Variants in SLC24A4 observed in about 807,000 individuals in gnomAD.
SLC24A4 encodes sodium/potassium/calcium exchanger 4.
A neutral mutation model predicts 79.0 loss-of-function variants in SLC24A4; 53 were observed. The ratio of observed to expected loss-of-function variants is 0.67; its 90% CI spans 0.54 to 0.84. The LOEUF is 0.84. Among genes scored for constraint, SLC24A4 ranks in the 40% least tolerant of loss-of-function variants. SLC24A4 has a pLI of 0.00. For synonymous variants in SLC24A4, 323 were observed against 323.8 expected (o/e 1.00, Z 0.03); for missense variants, 731 against 822.0 (o/e 0.89, Z 1.35).
At chr14:92,442,466 A>G (rs149753063) in intron 5 of SLC24A4, among the ~76,000 whole-genome samples, 1,528 of 152,332 alleles carry the variant, frequency 0.01, 23 homozygotes, top group African/African-American at 0.034. Flanking sequence ...TTAAATGGGT[A>G]AATTTTATAG....
chr14:92,369,557 C>T (rs575533240), intron 2 of SLC24A4, among the ~76,000 whole-genome samples: 4 of 152,126 alleles, frequency 2.6e-5, no homozygotes, highest in African/African-American at 4.8e-5. Flanking sequence ...GTTTGTAAAA[C>T]GTATTTTTGG....
chr14:92,427,876 G>A (rs1484030721), intron 2 of SLC24A4, among the ~76,000 whole-genome samples: 1 of 152,178 alleles, frequency 6.6e-6, no homozygotes, highest in Non-Finnish European at 1.5e-5. Flanking sequence ...TAGAGGTGGA[G>A]TCTTCATGGT....
rs1566810781 is a variant in SLC24A4 at position 92,493,619 on chromosome 14, A to G, written c.1860A>G (p.Glu620=). 6.2e-7 allele frequency: 1 copy of G among 1,614,176 alleles called. No individual in the cohort carries two copies. Among genetic ancestry groups the G allele is most frequent in the Non-Finnish European group, 8.5e-7 (1 of 1,180,016 alleles). The change falls in exon 17 of 17, where the codon GAA becomes GAG. Residue 620 remains glutamate, a synonymous_variant. Coordinates refer to ENST00000532405, the MANE Select transcript of SLC24A4 (RefSeq NM_153646.4). ...TCGTCAACTTGCCGATGTGCCGGGA[A>G]GACGATTAGCGCTGAGTCGCGGCCC... ...FTFVNLPMCR[E]DD
chr14:92,418,603 T>A (rs916977684), intron 2 of SLC24A4, among the ~76,000 whole-genome samples: 3 of 152,200 alleles, frequency 2.0e-5, no homozygotes, highest in African/African-American at 7.2e-5. Context: ...GATTCGAAAC[T>A]CCCAGGCAAG....
intron 2 of SLC24A4, among the ~76,000 whole-genome samples, chr14:92,407,864 TGTGTGTGTGTG>T (rs1445365079): frequency 3.6e-5 from 1 of 27,678 alleles, no homozygotes; most frequent in Non-Finnish European, 1.1e-4. Context: ...ATATTGTGTG[TGTGTGTGTGTG>T]TGTGTGTGTG....
chr14:92,343,670 T>C (rs184796615), intron 2 of SLC24A4, among the ~76,000 whole-genome samples: 68 of 132,684 alleles, frequency 5.1e-4, no homozygotes, highest in African/African-American at 1.0e-3. Context: ...CCTTCCTTCC[T>C]TCCTTCCTTC....
At chr14:92,423,824 T>C (rs1010444724) in intron 2 of SLC24A4, among the ~76,000 whole-genome samples, 3 of 152,202 alleles carry the variant, frequency 2.0e-5, no homozygotes, top group Admixed American at 6.5e-5. Context: ...CAGGGCATTG[T>C]GTGCATTGGT....
At chr14:92,425,746 G>A (rs1891528747) in intron 2 of SLC24A4, among the ~76,000 whole-genome samples, 1 of 152,194 alleles carries the variant, frequency 6.6e-6, no homozygotes, top group African/African-American at 2.4e-5. Flanking sequence ...TTGGGAGGCT[G>A]AGTCAGGCAG....
intron 2 of SLC24A4, among the ~76,000 whole-genome samples, chr14:92,416,108 G>A (rs905155090): frequency 7.0e-6 from 1 of 143,732 alleles, no homozygotes; most frequent in East Asian, 2.2e-4. Flanking sequence ...GAAAGTGTGT[G>A]TATTTGTGTG....
At chr14:92,347,733 C>A (rs1288062337) in intron 2 of SLC24A4, among the ~76,000 whole-genome samples, 4 of 152,116 alleles carry the variant, frequency 2.6e-5, no homozygotes, top group Non-Finnish European at 5.9e-5. Context: ...TCAAGCCCAG[C>A]CTGGCCAAGA....
intron 2 of SLC24A4, among the ~76,000 whole-genome samples, chr14:92,337,263 G>A (rs780780026): frequency 6.6e-6 from 1 of 152,146 alleles, no homozygotes; most frequent in Non-Finnish European, 1.5e-5. Context: ...GGCAGATTGC[G>A]ATGATAAGAA....
At position 92,453,891 on chromosome 14, in the gene SLC24A4, G is replaced by A. The variant is rs761057197; in HGVS notation, c.881-9G>A. The A allele has an allele frequency of 5.0e-6, 8 of 1,605,968 alleles. No homozygotes were observed. Among genetic ancestry groups the A allele is most frequent in the South Asian group, 1.1e-5 (1 of 89,670 alleles). Reference sequence around the variant, plus strand: ...AGATCAGCACTAATCACGGTGTTGCGCTCAACAGTGAAGGAGAAGCCACAG... The same window carrying A: ...AGATCAGCACTAATCACGGTGTTGCACTCAACAGTGAAGGAGAAGCCACAG... On this transcript the variant is annotated splice_polypyrimidine_tract_variant and intron_variant, in intron 10 of 16. Coordinates refer to ENST00000532405, the MANE Select transcript of SLC24A4 (RefSeq NM_153646.4).
In SLC24A4 at chr14:92,348,887, G is replaced by A. The variant is rs114068629; in HGVS notation, c.241+22909G>A. The stretch of plus-strand genomic sequence containing the variant: ...TGTTGGAGCATTGATTACTCAGAAT[G>A]TTAACAGGAGAGAAAGCCTAAACTC... On this transcript the variant is annotated intron_variant, in intron 2 of 16. Coordinates refer to ENST00000532405, the MANE Select transcript of SLC24A4 (RefSeq NM_153646.4). Among the ~76,000 whole-genome samples the A allele has an allele frequency of 7.3e-3, 1,119 of 152,268 alleles. 11 individuals are homozygous for A. Among genetic ancestry groups the A allele is most frequent in the African/African-American group, 0.025 (1,051 of 41,536 alleles).
chr14:92,389,212 C>T (rs1391883761), intron 2 of SLC24A4, among the ~76,000 whole-genome samples: 2 of 152,160 alleles, frequency 1.3e-5, no homozygotes, highest in Non-Finnish European at 1.5e-5. Flanking sequence ...TAAAAGCCTT[C>T]CTCTCCACCC....
chr14:92,474,478 TTTG>T (rs201635435), intron 12 of SLC24A4, among the ~76,000 whole-genome samples: 1,835 of 151,824 alleles, frequency 0.012, 15 homozygotes, highest in Non-Finnish European at 0.018. Context: ...CCACATTTGT[TTTG>T]TTGTTGTTGT....
At chr14:92,380,186 G>A (rs1189999093) in intron 2 of SLC24A4, among the ~76,000 whole-genome samples, 2 of 152,194 alleles carry the variant, frequency 1.3e-5, no homozygotes, top group African/African-American at 2.4e-5. Flanking sequence ...GGCAGTGACC[G>A]AGAGCAGATC....
At chr14:92,394,015 G>GA (rs529242878) in intron 2 of SLC24A4, among the ~76,000 whole-genome samples, 65 of 149,762 alleles carry the variant, frequency 4.3e-4, no homozygotes, top group African/African-American at 1.4e-3. Flanking sequence ...GGTCCCAGAA[G>GA]AAAAAAAAAT....
intron 13 of SLC24A4, among the ~76,000 whole-genome samples, chr14:92,485,377 A>C (rs1381732489): frequency 2.6e-5 from 4 of 151,884 alleles, no homozygotes; most frequent in African/African-American, 9.7e-5. Flanking sequence ...AAGTGGGAGG[A>C]TTGCTTAAAC....
chr14:92,430,226 G>A (rs780353352), intron 2 of SLC24A4, among the ~76,000 whole-genome samples: 10 of 152,162 alleles, frequency 6.6e-5, no homozygotes, highest in Admixed American at 3.9e-4. Context: ...CTCAGGGTCC[G>A]TCAGGGTCTC....
Sources: allele counts gnomAD v4.1 joint callset (sites outside exome capture counted in the v4.1 genomes callset), GRCh38; gene constraint gnomAD v4.1.1; transcripts MANE v1.5; gene names NCBI Gene and HGNC (gene_info 2026-07-23, HGNC 2026-07-21).